ZNF324B: variants seen among roughly 807,000 people sequenced by gnomAD.
The protein encoded by ZNF324B is zinc finger protein 324B.
In ZNF324B, 7 loss-of-function variants were observed where a neutral mutation model predicts 10.6. The observed-to-expected ratio is 0.66, with a 90% CI of 0.38 to 1.24. ZNF324B has a LOEUF of 1.24. Ranked by LOEUF, ZNF324B falls within the 50% of genes most tolerant of loss-of-function variation. The pLI is 0.02. For synonymous variants in ZNF324B, 316 were observed against 321.0 expected (o/e 0.98, Z 0.17); for missense variants, 640 against 764.7 (o/e 0.84, Z 1.92).
the ZNF324B span, chr19:58,445,989 G>T: frequency 1.9e-5 from 3 of 156,084 alleles, no homozygotes; most frequent in African/African-American, 7.2e-5. Flanking sequence ...AGAAAAATTA[G>T]CCGGGCATGG....
chr19:58,433,418 C>T, the ZNF324B span: 10 of 1,614,064 alleles, frequency 6.2e-6, no homozygotes, highest in South Asian at 7.7e-5. Flanking sequence ...CTGGTGTGAA[C>T]TTTCTGGTGC....
chr19:58,450,251 C>T (rs1467488691), upstream of ZNF324B, among the ~76,000 whole-genome samples: 1 of 152,074 alleles, frequency 6.6e-6, no homozygotes, highest in African/African-American at 2.4e-5. Context: ...TCCACTAAAC[C>T]TCTTTTTCTT....
At chr19:58,429,073 G>C in the ZNF324B span, 1 of 152,222 alleles carries the variant, frequency 6.6e-6, no homozygotes, top group Admixed American at 6.5e-5. Context: ...GTCCAAGCCT[G>C]TCAGTCTTTC....
At chr19:58,427,426 C>T in the ZNF324B span, among the ~76,000 whole-genome samples, 1 of 29,052 alleles carries the variant, frequency 3.4e-5, no homozygotes, top group Admixed American at 3.2e-4. Flanking sequence ...TTCCTTCCTT[C>T]CTTCCTTCCT....
the ZNF324B span, chr19:58,418,588 C>T: frequency 1.3e-5 from 2 of 152,010 alleles, no homozygotes; most frequent in African/African-American, 4.8e-5. Context: ...CTTGGCCTCC[C>T]AAAGTGCTGG....
At chr19:58,434,387 C>T in the ZNF324B span, 2 of 1,614,250 alleles carry the variant, frequency 1.2e-6, no homozygotes, top group Non-Finnish European at 1.7e-6. Flanking sequence ...AAGGCTTTCC[C>T]ACATTCATCA....
Position 58,456,527 on chromosome 19 carries a change from A to G in ZNF324B, c.1583A>G (p.Lys528Arg), listed in dbSNP as rs761406510. ...GPGFLQGHHRKVRRGGKPSPV... is the reference protein window; with the variant it reads ...GPGFLQGHHRRVRRGGKPSPV... Reference sequence around the variant, plus strand: ...GGTTTCCTTCAGGGACATCATCGGAAGGTGCGCCGGGGAGGGAAGCCAAGC... The same window carrying G: ...GGTTTCCTTCAGGGACATCATCGGAGGGTGCGCCGGGGAGGGAAGCCAAGC... The change falls in exon 4 of 4, where the codon AAG becomes AGG. Residue 528 changes from lysine to arginine, a missense_variant. By Grantham distance (26) the Lys-to-Arg change is conservative. Transcript: ENST00000336614. This position sits in a 1 kb window ranked among gnomAD's most constrained non-coding sequence, Gnocchi z 4.7. The G allele has an allele frequency of 6.2e-7, 1 of 1,614,208 alleles. No homozygotes were observed. The highest frequency in any genetic ancestry group is 1.6e-4 in the Middle Eastern group (1 of 6,062).
rs564956589 is a variant in ZNF324B at position 58,452,025 on chromosome 19, T to C, written c.-7+321T>C. 2.9e-3 allele frequency: 618 copies of C among 216,026 alleles called. 3 individuals are homozygous for C. Among genetic ancestry groups the C allele is most frequent in the Admixed American group, 8.0e-3 (127 of 15,826 alleles). 13.4% of individuals were successfully genotyped at this position (216,026 alleles called of 1,614,324 possible). ...CGGGGGAGTCCCTGCTCACACAGACTGCGCCCCCACGGAGTGAGGCCGCTT... is the reference window on the plus strand; with the variant it reads ...CGGGGGAGTCCCTGCTCACACAGACCGCGCCCCCACGGAGTGAGGCCGCTT... On this transcript the variant is annotated intron_variant, in intron 1 of 3. Coordinates refer to ENST00000336614, the MANE Select transcript of ZNF324B (RefSeq NM_207395.3).
chr19:58,449,439 C>T (rs555836356), upstream of ZNF324B, among the ~76,000 whole-genome samples: 1 of 152,322 alleles, frequency 6.6e-6, no homozygotes, highest in African/African-American at 2.4e-5. Flanking sequence ...ATCCTCCAGA[C>T]TCCAGAATGG....
chr19:58,456,752 GT>G lies in ZNF324B; in HGVS notation c.*176del. ...TTGCAGGTGGGGACAGGATTTGCCA[GT>G]TTAGTCATAGCTCACACCTCCATCC... On this transcript the variant is annotated 3_prime_UTR_variant, in exon 4 of 4. Transcript: ENST00000336614. The surrounding 1 kb of genome is among the most constrained non-coding windows in gnomAD (Gnocchi z 4.7). 1.3e-6 allele frequency: 1 copy of G among 774,322 alleles called. No individual in the cohort carries two copies. The highest frequency in any genetic ancestry group is 2.0e-6 in the Non-Finnish European group (1 of 495,644). 48.0% of individuals were successfully genotyped at this position (774,322 alleles called of 1,614,324 possible).
chr19:58,446,948 C>A (rs1255699332), upstream of ZNF324B, among the ~76,000 whole-genome samples: 1 of 148,822 alleles, frequency 6.7e-6, no homozygotes, highest in Non-Finnish European at 1.5e-5. Context: ...CTTTCCTTTT[C>A]TTTCTTTTCT....
chr19:58,447,307 C>G (rs1033121037), upstream of ZNF324B, among the ~76,000 whole-genome samples: 1 of 152,194 alleles, frequency 6.6e-6, no homozygotes, highest in African/African-American at 2.4e-5. Flanking sequence ...CAAAGGACCA[C>G]GTTGGCTAGG....
chr19:58,454,442 C>A, intron 3 of ZNF324B, 98 bp downstream of exon 3: 1 of 780,562 alleles, frequency 1.3e-6, no homozygotes. Context: ...CCTCTCCTGC[C>A]TCCTACCTGA....
rs1599986263 is a variant in ZNF324B at position 58,456,530 on chromosome 19, T to G, written c.1586T>G (p.Val529Gly). The change falls in exon 4 of 4, where the codon GTG becomes GGG. Residue 529 changes from valine to glycine, a missense_variant. Val to Gly is a moderately radical substitution (Grantham distance 109, BLOSUM62 -3). Coordinates refer to ENST00000336614, the MANE Select transcript of ZNF324B (RefSeq NM_207395.3). This position sits in a 1 kb window ranked among gnomAD's most constrained non-coding sequence, Gnocchi z 4.7. ...PGFLQGHHRK[V>G]RRGGKPSPVL... ...TTCCTTCAGGGACATCATCGGAAGG[T>G]GCGCCGGGGAGGGAAGCCAAGCCCA... 6.2e-7 allele frequency: 1 copy of G among 1,613,904 alleles called. No individual in the cohort carries two copies.
Position 58,456,928 on chromosome 19 carries a change from G to T in ZNF324B, c.*349G>T. 1 of 348,914 alleles carries T rather than the reference G, an allele frequency of 2.9e-6. No homozygotes were observed. The highest frequency in any genetic ancestry group is 5.3e-6 in the Non-Finnish European group (1 of 188,608). 21.6% of individuals were successfully genotyped at this position (348,914 alleles called of 1,614,324 possible). ...CATGTGTTATGAGAGTGGATGCTGA[G>T]GTGAGGGGGATGCGGACATGGGGTA... On this transcript the variant is annotated 3_prime_UTR_variant, in exon 4 of 4. Coordinates refer to ENST00000336614, the MANE Select transcript of ZNF324B (RefSeq NM_207395.3). This position sits in a 1 kb window ranked among gnomAD's most constrained non-coding sequence, Gnocchi z 4.7.
upstream of ZNF324B, among the ~76,000 whole-genome samples, chr19:58,449,384 C>G (rs1435206862): frequency 6.6e-6 from 1 of 152,222 alleles, no homozygotes; most frequent in Non-Finnish European, 1.5e-5. Flanking sequence ...CACACTGAGT[C>G]CCCACTGGGG....
At chr19:58,427,121 T>C in the ZNF324B span, among the ~76,000 whole-genome samples, 1 of 150,336 alleles carries the variant, frequency 6.7e-6, no homozygotes, top group Non-Finnish European at 1.5e-5. Context: ...TTTTTCCTTT[T>C]TTATTTTTAT....
chr19:58,435,412 C>A, the ZNF324B span: 3 of 584,256 alleles, frequency 5.1e-6, no homozygotes, highest in Non-Finnish European at 8.9e-6. Context: ...ATAAGGGAGA[C>A]CTCACCAGGG....
the ZNF324B span, chr19:58,441,673 G>A: frequency 6.6e-6 from 1 of 152,284 alleles, no homozygotes; most frequent in Non-Finnish European, 1.5e-5. Context: ...GAATTCTGGT[G>A]TGGCTTCAGG....
Sources: gnomAD v4.1 joint callset for allele counts (sites outside exome capture counted in the v4.1 genomes callset) on GRCh38, gnomAD v4.1.1 for gene constraint, Gnocchi (gnomAD v3.1) non-coding constraint, MANE v1.5 for transcripts, NCBI Gene and HGNC (gene_info 2026-07-23, HGNC 2026-07-21) for gene names.